Variants in DRC3 observed in about 807,000 individuals in gnomAD.
DRC3 encodes the protein dynein regulatory complex subunit 3, also known as leucine rich repeat containing 48.
Under a neutral mutation model 57.6 loss-of-function variants are expected in DRC3, and 45 were observed. That is an observed-to-expected ratio of 0.78 (90% CI 0.62 to 1.00). The LOEUF is 1.00. Ranked by LOEUF, DRC3 falls within the 50% of genes least tolerant of loss-of-function variation. The pLI, the probability that DRC3 is intolerant of heterozygous loss-of-function variation, is 0.00. For synonymous variants in DRC3, 257 were observed against 272.3 expected, an observed-to-expected ratio of 0.94 and a Z score of 0.55; for missense variants, 655 against 675.2, an observed-to-expected ratio of 0.97 and a Z score of 0.33.
At chr17:17,984,008 T>C in intron 4 of DRC3, 64 bp downstream of exon 4, 2 of 1,028,738 alleles carry the variant, frequency 1.9e-6, no homozygotes. Flanking sequence ...GGTTATTGCC[T>C]TCCCAGGAGA....
chr17:18,016,859 A>C lies in DRC3; in HGVS notation c.*188A>C. The stretch of plus-strand genomic sequence containing the variant: ...AGAGAAAATAAAGGACTCATTTCAC[A>C]TTTCCCCTACTCATAAAAAAAAAAA... On this transcript the variant is annotated 3_prime_UTR_variant, in exon 14 of 14. Transcript: ENST00000399187. The C allele has an allele frequency of 1.6e-5, 7 of 443,216 alleles. No individual in the cohort carries two copies. The highest frequency in any genetic ancestry group is 3.6e-5 in the East Asian group (1 of 27,404). The allele number at this position is 443,216 out of a possible 1,614,324, so 27.5% of individuals were successfully genotyped here.
chr17:17,984,378 T>TGGGGCCTAC, intron 4 of DRC3, among the ~76,000 whole-genome samples: 1 of 69,372 alleles, frequency 1.4e-5, no homozygotes, highest in Non-Finnish European at 2.4e-5. Context: ...GTGGGGCCTA[T>TGGGGCCTAC]ATGCTTTCCA....
chr17:18,016,434 C>T (rs1022891566), intron 13 of DRC3, 124 bp from the exon 14 acceptor site: 3 of 811,406 alleles, frequency 3.7e-6, no homozygotes, highest in Non-Finnish European at 5.9e-6. Context: ...CCTGGGGAGG[C>T]GCTGAAGCAA....
intron 10 of DRC3, 163 bp downstream of exon 10, chr17:18,004,657 A>G: frequency 1.5e-6 from 1 of 688,664 alleles, no homozygotes; most frequent in African/African-American, 1.8e-5. Flanking sequence ...TGCTTTTATT[A>G]CATTTTAATC....
At chr17:17,992,200 G>T (rs575057264) in intron 5 of DRC3, among the ~76,000 whole-genome samples, 1 of 152,120 alleles carries the variant, frequency 6.6e-6, no homozygotes, top group African/African-American at 2.4e-5. Context: ...ACTTGAACCC[G>T]GGAGGCAGAG....
chr17:17,988,474 T>G, intron 5 of DRC3: 1 of 183,908 alleles, frequency 5.4e-6, no homozygotes, highest in Non-Finnish European at 1.1e-5. Flanking sequence ...CACACCCCCA[T>G]AGTCAAGGCA....
rs116014214 is a variant in DRC3, at chr17:18,003,352, G to A, written c.1000-1011G>A. ...ACAAAAAAAATTAGCCGGTCATAAT[G>A]GCAGGTGCCTGTAATCCTAGCTACT... On this transcript the variant is annotated intron_variant, in intron 9 of 13. Coordinates refer to ENST00000399187, the MANE Select transcript of DRC3 (RefSeq NM_031294.4). Among the ~76,000 whole-genome samples the A allele has an allele frequency of 2.3e-3, 353 of 151,734 alleles. 2 individuals carry two copies. Among genetic ancestry groups the A allele is most frequent in the African/African-American group, 8.0e-3 (333 of 41,440 alleles).
intron 5 of DRC3, among the ~76,000 whole-genome samples, chr17:17,989,015 C>T (rs2043098614): frequency 6.6e-6 from 1 of 152,168 alleles, no homozygotes; most frequent in African/African-American, 2.4e-5. Flanking sequence ...CAAGTGGGAT[C>T]ATGAATGTAA....
intron 4 of DRC3, among the ~76,000 whole-genome samples, chr17:17,987,308 G>T (rs1405112805): frequency 4.0e-5 from 6 of 151,448 alleles, no homozygotes; most frequent in Non-Finnish European, 8.8e-5. Flanking sequence ...GGGAGCCTGA[G>T]ACAGCTGTGA....
chr17:18,015,196 A>T (rs2044312204), intron 12 of DRC3: 1 of 152,304 alleles, frequency 6.6e-6, no homozygotes, highest in South Asian at 2.1e-4. Context: ...TTTTTTTGGC[A>T]GAAATATTAA....
At chr17:17,991,748 T>C (rs2043242766) in intron 5 of DRC3, among the ~76,000 whole-genome samples, 1 of 151,992 alleles carries the variant, frequency 6.6e-6, no homozygotes, top group African/African-American at 2.4e-5. Context: ...GTTACTGGAA[T>C]GTTCCCCTAG....
chr17:18,002,116 C>G (rs898725594), intron 9 of DRC3, among the ~76,000 whole-genome samples: 3 of 151,938 alleles, frequency 2.0e-5, no homozygotes, highest in Non-Finnish European at 4.4e-5. Context: ...TGCAGTGAAC[C>G]AAGATCACGT....
intron 5 of DRC3, among the ~76,000 whole-genome samples, chr17:17,988,674 C>T (rs2043080284): frequency 1.3e-5 from 2 of 152,242 alleles, no homozygotes; most frequent in African/African-American, 4.8e-5. Context: ...TGGCTTGCTT[C>T]TGCAACCCAT....
Position 17,995,161 on chromosome 17 carries a change from CTTGGCAAGGCCCCT to C in DRC3, c.824+52_824+65del, listed in dbSNP as rs775615688. 2.9e-6 allele frequency: 4 copies of C among 1,361,716 alleles called. No individual in the cohort carries two copies. The Admixed American group carries it at 7.0e-5, about 24-fold the overall frequency. The allele number at this position is 1,361,716 out of a possible 1,614,324, so 84.4% of individuals were successfully genotyped here. The stretch of plus-strand genomic sequence containing the variant: ...CTCAGAGCCTCTGCCACCAGCCTGC[CTTGGCAAGGCCCCT>C]TCCGCTCTAGGCCTCAGTTTCTTCA... On this transcript the variant is annotated intron_variant, in intron 8 of 13. Transcript: ENST00000399187.
chr17:18,012,750 T>C (rs865907954), intron 12 of DRC3, among the ~76,000 whole-genome samples: 3 of 150,968 alleles, frequency 2.0e-5, no homozygotes, highest in South Asian at 2.1e-4. Context: ...CTTTAGGACA[T>C]TGGCCTGGGA....
chr17:17,978,737 G>A (rs543493367), intron 3 of DRC3, among the ~76,000 whole-genome samples: 4 of 152,298 alleles, frequency 2.6e-5, no homozygotes, highest in African/African-American at 7.2e-5. Flanking sequence ...AGCCCCGGGA[G>A]GGGTAAAGGG....
intron 2 of DRC3, among the ~76,000 whole-genome samples, chr17:17,976,864 T>G (rs1210200749): frequency 6.6e-6 from 1 of 152,054 alleles, no homozygotes; most frequent in African/African-American, 2.4e-5. Context: ...GTTTTCTGAT[T>G]CCCAGGTTCC....
At chr17:18,007,830 T>G in intron 12 of DRC3, 9 of 1,008,362 alleles carry the variant, frequency 8.9e-6, no homozygotes, top group Non-Finnish European at 1.1e-5. Flanking sequence ...TTCACTCCAC[T>G]GCCAGTTTCT....
At chr17:18,003,484 T>TAAA (rs71155309) in intron 9 of DRC3, among the ~76,000 whole-genome samples, 28 of 30,122 alleles carry the variant, frequency 9.3e-4, no homozygotes, top group South Asian at 2.8e-3. Flanking sequence ...ACTACGTCTT[T>TAAA]AAAAAAAAAA....
Sources: gnomAD v4.1 joint callset for allele counts (sites outside exome capture counted in the v4.1 genomes callset) on GRCh38, gnomAD v4.1.1 for gene constraint, MANE v1.5 for transcripts, NCBI Gene and HGNC (gene_info 2026-07-23, HGNC 2026-07-21) for gene names.